The following TMPRSS15 variants were observed in gnomAD, a reference collection of about 807,000 sequenced individuals.
The protein encoded by TMPRSS15 is enteropeptidase.
A neutral mutation model predicts 125.3 loss-of-function variants in TMPRSS15; 128 were observed. That is an observed-to-expected ratio of 1.02 (90% CI 0.89 to 1.18). The LOEUF (loss-of-function observed/expected upper bound fraction) is 1.18. Ranked by LOEUF, TMPRSS15 falls within the 50% of genes most tolerant of loss-of-function variation. The pLI, the probability that TMPRSS15 is intolerant of heterozygous loss-of-function variation, is 0.00. For synonymous variants in TMPRSS15, 446 were observed against 423.2 expected, an observed-to-expected ratio of 1.05 and a Z score of -0.66; for missense variants, 1,283 against 1,212.7, an observed-to-expected ratio of 1.06 and a Z score of -0.86.
intron 1 of TMPRSS15, among the ~76,000 whole-genome samples, chr21:18,470,238 A>G (rs1475478047): frequency 6.6e-6 from 1 of 151,980 alleles, no homozygotes; most frequent in Non-Finnish European, 1.5e-5. Context: ...GGGCCTTCAC[A>G]TCTTCCTTAG....
intron 1 of TMPRSS15, among the ~76,000 whole-genome samples, chr21:18,422,704 A>C (rs1268987848): frequency 6.6e-6 from 1 of 152,228 alleles, no homozygotes; most frequent in Non-Finnish European, 1.5e-5. Context: ...GATGACTAAC[A>C]TTTTCAGAAA....
At chr21:18,277,291 T>C (rs2824716) in intron 23 of TMPRSS15, among the ~76,000 whole-genome samples, 44,831 of 151,946 alleles carry the variant, frequency 0.3, 8,997 homozygotes, top group African/African-American at 0.58. Context: ...TAAACGTAAG[T>C]CACATTTACT....
upstream of TMPRSS15, among the ~76,000 whole-genome samples, chr21:18,406,533 C>T (rs1421624016): frequency 4.0e-5 from 6 of 151,784 alleles, no homozygotes; most frequent in Admixed American, 1.3e-4. Context: ...AAGGGCAAAA[C>T]CAAACAAAAA....
At chr21:18,375,630 T>A (rs2075834309) in intron 5 of TMPRSS15, among the ~76,000 whole-genome samples, 1 of 152,212 alleles carries the variant, frequency 6.6e-6, no homozygotes, top group South Asian at 2.1e-4. Flanking sequence ...TTTTCTGTAA[T>A]CTATGTGGTA....
chr21:18,421,985 T>C (rs753043981), intron 1 of TMPRSS15, among the ~76,000 whole-genome samples: 33 of 104,910 alleles, frequency 3.1e-4, no homozygotes, highest in Non-Finnish European at 5.0e-4. Flanking sequence ...AGTATTACTC[T>C]TTTTTTTTTT....
chr21:18,315,840 T>C (rs993607015), intron 16 of TMPRSS15, among the ~76,000 whole-genome samples: 2 of 146,748 alleles, frequency 1.4e-5, no homozygotes, highest in African/African-American at 2.6e-5. Flanking sequence ...ACTTAAAGTA[T>C]AATAAAATAT....
chr21:18,331,756 C>T (rs560651658), intron 14 of TMPRSS15, among the ~76,000 whole-genome samples: 2 of 152,216 alleles, frequency 1.3e-5, no homozygotes, highest in African/African-American at 2.4e-5. Context: ...ATTTAGAAAG[C>T]GGTGTCTGGA....
At chr21:18,305,338 G>T (rs373014994) in intron 18 of TMPRSS15, among the ~76,000 whole-genome samples, 1 of 151,718 alleles carries the variant, frequency 6.6e-6, no homozygotes, top group Non-Finnish European at 1.5e-5. Flanking sequence ...ACAGGCGCCC[G>T]CCACCGCGCC....
At chr21:18,447,821 C>T (rs1253733051) in intron 1 of TMPRSS15, among the ~76,000 whole-genome samples, 1 of 151,986 alleles carries the variant, frequency 6.6e-6, no homozygotes, top group Non-Finnish European at 1.5e-5. Context: ...CTCTTTTTTT[C>T]ATAAATTAGC....
At chr21:18,424,557 T>C (rs1302602430) in intron 1 of TMPRSS15, among the ~76,000 whole-genome samples, 1 of 152,228 alleles carries the variant, frequency 6.6e-6, no homozygotes, top group East Asian at 1.9e-4. Context: ...CATGTTGTTT[T>C]GCTTAAAATA....
intron 6 of TMPRSS15, among the ~76,000 whole-genome samples, chr21:18,369,091 G>GA (rs1011774236): frequency 2.0e-5 from 3 of 150,716 alleles, no homozygotes; most frequent in East Asian, 1.9e-4. Flanking sequence ...TGCAGCATCA[G>GA]AAAAAAAAAT....
chr21:18,310,986 G>GA (rs367998580), intron 18 of TMPRSS15, among the ~76,000 whole-genome samples: 9 of 144,792 alleles, frequency 6.2e-5, no homozygotes, highest in Non-Finnish European at 8.9e-5. Context: ...CACTGGGGGG[G>GA]AAGAACAATC....
At chr21:18,283,070 G>A (rs61592779) in intron 21 of TMPRSS15, among the ~76,000 whole-genome samples, 1 of 152,066 alleles carries the variant, frequency 6.6e-6, no homozygotes, top group African/African-American at 2.4e-5. Flanking sequence ...AGAGGTCTTC[G>A]TGCTTTCTCT....
chr21:18,409,400 T>A (rs973810799), intron 1 of TMPRSS15, among the ~76,000 whole-genome samples: 1 of 150,476 alleles, frequency 6.6e-6, no homozygotes, highest in Non-Finnish European at 1.5e-5. Flanking sequence ...GCTTCAAATC[T>A]TTTTTTGTGT....
chr21:18,456,913 G>A (rs894883056), intron 1 of TMPRSS15, among the ~76,000 whole-genome samples: 1 of 151,978 alleles, frequency 6.6e-6, no homozygotes, highest in Non-Finnish European at 1.5e-5. Flanking sequence ...ATAAGATGTA[G>A]AAAGAGCCTG....
chr21:18,308,782 C>T (rs1274465365), intron 18 of TMPRSS15, among the ~76,000 whole-genome samples: 2 of 152,092 alleles, frequency 1.3e-5, no homozygotes, highest in Non-Finnish European at 2.9e-5. Context: ...TGATGTTCCC[C>T]TCCTTGTGTC....
chr21:18,338,740 A>AAGAGAGAG (rs57668525), intron 13 of TMPRSS15, among the ~76,000 whole-genome samples: 2 of 151,242 alleles, frequency 1.3e-5, no homozygotes, highest in East Asian at 3.9e-4. Context: ...AAGAGAGAGA[A>AAGAGAGAG]AGAGAGAGAG....
intron 14 of TMPRSS15, among the ~76,000 whole-genome samples, chr21:18,329,875 G>A (rs1020471029): frequency 6.6e-6 from 1 of 151,064 alleles, no homozygotes; most frequent in African/African-American, 2.4e-5. Flanking sequence ...CTCTCATTCT[G>A]TATTAGTTTT....
intron 1 of TMPRSS15, among the ~76,000 whole-genome samples, chr21:18,481,881 TA>T (rs1438935111): frequency 6.6e-6 from 1 of 151,674 alleles, no homozygotes; most frequent in Non-Finnish European, 1.5e-5. Context: ...TTAATTTATA[TA>T]ATCAAAAACA....
Sources: allele counts gnomAD v4.1 joint callset (sites outside exome capture counted in the v4.1 genomes callset), GRCh38; gene constraint gnomAD v4.1.1; transcripts MANE v1.5; gene names NCBI Gene and HGNC (gene_info 2026-07-23, HGNC 2026-07-21).